Variants in ZNF469 observed in about 807,000 individuals in gnomAD.
ZNF469 encodes zinc finger protein 469.
A neutral mutation model predicts 1.0 loss-of-function variants in ZNF469; 1 was observed. The ratio of observed to expected loss-of-function variants is 1.00; its 90% CI spans 0.35 to 4.73. The LOEUF is 4.73. Among genes scored for constraint, ZNF469 ranks in the 30% most tolerant of loss-of-function variants. ZNF469 has a pLI of 0.16. For synonymous variants in ZNF469, 2,703 were observed against 2,363.4 expected, an observed-to-expected ratio of 1.14 and a Z score of -4.17; for missense variants, 6,100 against 5,356.3, an observed-to-expected ratio of 1.14 and a Z score of -4.33.
At chr16:88,204,101 T>TAACCCCACAGAGCAGCCGGAGGC in the ZNF469 span, among the ~76,000 whole-genome samples, 2 of 124,530 alleles carry the variant, frequency 1.6e-5, no homozygotes, top group Admixed American at 1.5e-4. Flanking sequence ...CAGCCGGAGG[T>TAACCCCACAGAGCAGCCGGAGGC]GCCCCGTAAC....
chr16:88,366,109 A>G, the ZNF469 span, among the ~76,000 whole-genome samples: 1 of 149,828 alleles, frequency 6.7e-6, no homozygotes, highest in Admixed American at 6.6e-5. Flanking sequence ...CATCATCACC[A>G]TCATCATCAC....
the ZNF469 span, among the ~76,000 whole-genome samples, chr16:88,281,330 G>A: frequency 3.4e-5 from 5 of 147,934 alleles, no homozygotes; most frequent in East Asian, 4.1e-4. Context: ...TGCTGATGTC[G>A]GTGCACAGGT....
chr16:88,431,970 T>C lies in ZNF469; in HGVS notation c.4500T>C (p.Ser1500=). ...TGCCGTCAGATCCACCGTACCCCTC[T>C]TTTTTGCTGCTTGAGGAAGTATCCC... ...KTVPSDPPYP[S]FLLLEEVSPM... is the part of the protein sequence containing the mutation. Residue 1500 remains serine, a synonymous_variant, in exon 3 of 3, where the codon TCT becomes TCC. Coordinates refer to ENST00000565624, the MANE Select transcript of ZNF469 (RefSeq NM_001367624.2). The C allele has an allele frequency of 1.3e-6, 2 of 1,549,486 alleles. No homozygotes were observed. Among genetic ancestry groups the C allele is most frequent in the Non-Finnish European group, 1.7e-6 (2 of 1,146,964 alleles).
At chr16:88,317,481 G>C in the ZNF469 span, among the ~76,000 whole-genome samples, 1 of 152,220 alleles carries the variant, frequency 6.6e-6, no homozygotes, top group African/African-American at 2.4e-5. Context: ...TCTGAAAACA[G>C]AGGTAGGGCC....
At chr16:88,320,685 G>A in the ZNF469 span, among the ~76,000 whole-genome samples, 1 of 152,192 alleles carries the variant, frequency 6.6e-6, no homozygotes, top group Non-Finnish European at 1.5e-5. Flanking sequence ...TGCCCAGCCT[G>A]ACCATGAGAT....
In ZNF469 at chr16:88,431,762, G is replaced by T. The variant is rs1244391759; in HGVS notation, c.4292G>T (p.Arg1431Met). 1 of 1,549,954 alleles carries T rather than the reference G, an allele frequency of 6.5e-7. No homozygotes were observed. Among genetic ancestry groups the T allele is most frequent in the South Asian group, 1.2e-5 (1 of 84,058 alleles). The change falls in exon 3 of 3, where the codon AGG becomes ATG. Residue 1431 changes from arginine to methionine, a missense_variant. By Grantham distance (91) the Arg-to-Met change is moderately conservative (BLOSUM62 -1). Coordinates refer to ENST00000565624, the MANE Select transcript of ZNF469 (RefSeq NM_001367624.2). The part of the protein sequence containing the change: ...DAGSLEPQLP[R>M]SPPGTAETEP... Reference sequence around the variant, plus strand: ...GGTTCCCTCGAGCCACAGCTGCCAAGGAGCCCACCTGGCACCGCTGAGACG... The same window carrying T: ...GGTTCCCTCGAGCCACAGCTGCCAATGAGCCCACCTGGCACCGCTGAGACG...
chr16:88,183,164 C>G, the ZNF469 span, among the ~76,000 whole-genome samples: 2 of 152,350 alleles, frequency 1.3e-5, no homozygotes, highest in East Asian at 3.9e-4. Flanking sequence ...TTATGAATCA[C>G]CACTGCCAGG....
the ZNF469 span, among the ~76,000 whole-genome samples, chr16:88,345,204 C>G: frequency 6.6e-6 from 1 of 152,198 alleles, no homozygotes; most frequent in Non-Finnish European, 1.5e-5. Context: ...CATTTCCATC[C>G]TTGCTCTTGA....
At chr16:88,234,183 T>C in the ZNF469 span, among the ~76,000 whole-genome samples, 2 of 152,194 alleles carry the variant, frequency 1.3e-5, no homozygotes, top group African/African-American at 4.8e-5. Context: ...AGCACCAACT[T>C]CTTTGATCTT....
At position 88,435,419 on chromosome 16, in the gene ZNF469, C is replaced by T. The variant is rs1038534504; in HGVS notation, c.7949C>T (p.Pro2650Leu). Residue 2650 changes from proline to leucine, a missense_variant, in exon 3 of 3, where the codon CCA (proline) becomes CTA (leucine). Transcript: ENST00000565624. ...GRRLREESIL[P>L]VSADVISDGR... ...AGGCTCCGGGAGGAGAGCATTCTTC[C>T]AGTCTCTGCTGATGTGATTTCAGAT... 8 of 1,550,162 alleles carry T rather than the reference C, an allele frequency of 5.2e-6. No individual in the cohort carries two copies. The African/African-American group carries it at 1.1e-4, about 21-fold the overall frequency.
the ZNF469 span, among the ~76,000 whole-genome samples, chr16:88,262,063 C>T: frequency 2.6e-5 from 4 of 152,294 alleles, no homozygotes; most frequent in South Asian, 2.1e-4. This position sits in a 1 kb window ranked among gnomAD's most constrained non-coding sequence, Gnocchi z 4.3. Context: ...GGCCGATCTA[C>T]GAGTGACAAC....
At chr16:88,157,999 C>G in the ZNF469 span, among the ~76,000 whole-genome samples, 1 of 152,070 alleles carries the variant, frequency 6.6e-6, no homozygotes, top group African/African-American at 2.4e-5. Context: ...TGCTCAAGAC[C>G]AAGGCCACCT....
the ZNF469 span, among the ~76,000 whole-genome samples, chr16:88,166,572 C>A: frequency 2.0e-5 from 3 of 152,142 alleles, no homozygotes; most frequent in Non-Finnish European, 2.9e-5. This position sits in a 1 kb window ranked among gnomAD's most constrained non-coding sequence, Gnocchi z 4.5. Context: ...CCCTCCTGCA[C>A]CCCTTGAGGC....
the ZNF469 span, among the ~76,000 whole-genome samples, chr16:88,318,134 G>A: frequency 3.9e-5 from 6 of 152,220 alleles, no homozygotes; most frequent in African/African-American, 1.2e-4. Context: ...TTGGACAGCC[G>A]GTGGCAGCTC....
At chr16:88,344,717 G>A in the ZNF469 span, among the ~76,000 whole-genome samples, 8 of 152,240 alleles carry the variant, frequency 5.3e-5, no homozygotes, top group Non-Finnish European at 1.2e-4. Context: ...TGGCCATGGT[G>A]GACCCAGGAT....
chr16:88,325,286 C>T, the ZNF469 span, among the ~76,000 whole-genome samples: 2 of 151,352 alleles, frequency 1.3e-5, no homozygotes, highest in South Asian at 4.2e-4. Context: ...GTAAGCTGCC[C>T]GAGGTGCACC....
chr16:88,408,698 G>A (rs1467247793), intron 1 of ZNF469, among the ~76,000 whole-genome samples: 2 of 152,152 alleles, frequency 1.3e-5, no homozygotes, highest in South Asian at 2.1e-4. Flanking sequence ...CTTACTGCCG[G>A]GGCCACATGG....
chr16:88,366,733 C>T, the ZNF469 span, among the ~76,000 whole-genome samples: 383 of 151,274 alleles, frequency 2.5e-3, 1 homozygote, highest in African/African-American at 8.8e-3. Flanking sequence ...CATCACATCA[C>T]CATCATTATC....
At chr16:88,348,230 C>T in the ZNF469 span, among the ~76,000 whole-genome samples, 5 of 152,244 alleles carry the variant, frequency 3.3e-5, no homozygotes, top group Non-Finnish European at 4.4e-5. Flanking sequence ...CTTCCTGCCT[C>T]TTCTGGCTCC....
Sources: gnomAD v4.1 joint callset for allele counts (sites outside exome capture counted in the v4.1 genomes callset) on GRCh38, gnomAD v4.1.1 for gene constraint, Gnocchi (gnomAD v3.1) non-coding constraint, MANE v1.5 for transcripts, NCBI Gene and HGNC (gene_info 2026-07-23, HGNC 2026-07-21) for gene names.